Variants in PXDN observed in about 807,000 individuals in gnomAD.
PXDN encodes the protein peroxidasin.
PXDN carries 77 observed loss-of-function variants against 140.3 expected under a neutral mutation model. That is an observed-to-expected ratio of 0.55 (90% CI 0.46 to 0.66). The LOEUF (loss-of-function observed/expected upper bound fraction) is 0.66, where lower values mean the gene tolerates loss of function less well. Ranked by LOEUF, PXDN falls within the 30% of genes least tolerant of loss-of-function variation. The pLI, the probability that PXDN is intolerant of heterozygous loss-of-function variation, is 0.00. For synonymous variants in PXDN, 911 were observed against 857.4 expected (o/e 1.06, Z -1.09); for missense variants, 1,838 against 2,039.5 (o/e 0.90, Z 1.90).
In PXDN at chr2:1,744,384, C is replaced by G. The variant is rs1390188468; in HGVS notation, c.72G>C (p.Thr24=). 1 of 1,526,094 alleles carries G rather than the reference C, an allele frequency of 6.6e-7. No individual in the cohort carries two copies. Among genetic ancestry groups the G allele is most frequent in the African/African-American group, 1.4e-5 (1 of 71,374 alleles). 94.5% of individuals were successfully genotyped at this position (1,526,094 alleles called of 1,614,324 possible). ...CCGGCTTCTGGGCCACCACGGCCAG[C>G]GTCCCCCAGGCGCAGAACAGCACGA... is the stretch of plus-strand genomic sequence containing the variant. ...LALVLFCAWG[T]LAVVAQKPGA... The change falls in exon 1 of 23, where the codon ACG becomes ACC. Residue 24 remains threonine (T), a synonymous_variant. Coordinates refer to ENST00000252804, the MANE Select transcript of PXDN (RefSeq NM_012293.3).
chr2:1,708,775 T>C (rs1305874672), intron 1 of PXDN, among the ~76,000 whole-genome samples: 8 of 152,216 alleles, frequency 5.3e-5, no homozygotes, highest in Non-Finnish European at 7.3e-5. Flanking sequence ...TTTTATGGTA[T>C]CGATTTGGAT....
chr2:1,668,826 T>C (rs922878365), intron 9 of PXDN, among the ~76,000 whole-genome samples: 5 of 152,086 alleles, frequency 3.3e-5, no homozygotes, highest in Admixed American at 2.6e-4. Flanking sequence ...TGCAGAGAAA[T>C]AGGAACATTT....
intron 1 of PXDN, among the ~76,000 whole-genome samples, chr2:1,736,873 G>A (rs1251046031): frequency 6.6e-6 from 1 of 152,144 alleles, no homozygotes; most frequent in Non-Finnish European, 1.5e-5. Flanking sequence ...ATCTCATGTG[G>A]ACAAAGGTCA....
At chr2:1,653,911 T>A in intron 15 of PXDN, 126 bp from the exon 16 acceptor site, 1 of 1,162,852 alleles carries the variant, frequency 8.6e-7, no homozygotes, top group Non-Finnish European at 1.2e-6. Context: ...CATAATGTAC[T>A]ATACCTTCCT....
chr2:1,687,647 G>A lies in PXDN; in HGVS notation c.401C>T (p.Ala134Val), dbSNP rs961490096. ...GGGCACTTACAGTTGCTCTAGAGAG[G>A]CAAGTCCCTTAAATGCTTGCCTGTC... ...SIDRQAFKGLASLEQLYLHFN... is the reference protein window; with the variant it reads ...SIDRQAFKGLVSLEQLYLHFN... Residue 134 changes from alanine (A) to valine (V), a missense_variant, in exon 4 of 23, where the codon GCC (alanine) becomes GTC (valine). Physicochemically the swap from Ala to Val is moderately conservative, Grantham distance 64. Around this residue, in one of 5 missense-constraint regions of PXDN, gnomAD observed 231 missense variants for 201.5 expected, o/e 1.15. Transcript: ENST00000252804. This position sits in a 1 kb window ranked among gnomAD's most constrained non-coding sequence, Gnocchi z 4.0. The A allele has an allele frequency of 1.1e-5, 17 of 1,520,006 alleles. No individual in the cohort carries two copies. Among genetic ancestry groups the A allele is most frequent in the Non-Finnish European group, 1.4e-5 (15 of 1,099,310 alleles). 94.2% of individuals were successfully genotyped at this position (1,520,006 alleles called of 1,614,324 possible).
chr2:1,733,049 A>G (rs1009077974), intron 1 of PXDN, among the ~76,000 whole-genome samples: 1 of 152,340 alleles, frequency 6.6e-6, no homozygotes. Context: ...TGAAACACAT[A>G]GAGAAAAAGG....
chr2:1,696,425 G>T (rs1263883528), intron 1 of PXDN, among the ~76,000 whole-genome samples: 1 of 152,072 alleles, frequency 6.6e-6, no homozygotes, highest in African/African-American at 2.4e-5. Context: ...TGCAAAGGGG[G>T]TTATCTTAGA....
chr2:1,739,454 T>C (rs1408382910), intron 1 of PXDN, among the ~76,000 whole-genome samples: 1 of 152,130 alleles, frequency 6.6e-6, no homozygotes, highest in Non-Finnish European at 1.5e-5. Flanking sequence ...TTTACAACTA[T>C]TTCCTTGACA....
intron 1 of PXDN, among the ~76,000 whole-genome samples, chr2:1,702,347 G>T (rs891079791): frequency 2.6e-5 from 4 of 152,206 alleles, no homozygotes; most frequent in African/African-American, 7.2e-5. Context: ...CTTCCTCCAG[G>T]ACGCAGGGAA....
At chr2:1,740,390 G>A (rs900289613) in intron 1 of PXDN, among the ~76,000 whole-genome samples, 2 of 152,122 alleles carry the variant, frequency 1.3e-5, no homozygotes, top group African/African-American at 4.8e-5. Flanking sequence ...TCACTCAGGC[G>A]ACGCAGTCTC....
chr2:1,635,355 C>T (rs1424954366), intron 22 of PXDN, 53 bp downstream of exon 22: 8 of 1,476,006 alleles, frequency 5.4e-6, no homozygotes, highest in Middle Eastern at 2.3e-4. Context: ...TCACATGGGA[C>T]TCTCGGACTT....
chr2:1,643,488 C>A lies in PXDN; in HGVS notation c.3832G>T (p.Ala1278Ser). ...CTCTGCACCCGGGTGATGTTGTCCG[C>A]GTTGTCGCATAGGATCCTGGCCAGC... is the stretch of plus-strand genomic sequence containing the variant. ...TSLARILCDN[A>S]DNITRVQSDV... is the part of the protein sequence containing the mutation. The change falls in exon 19 of 23, where the codon GCG (alanine) becomes TCG (serine). Residue 1278 changes from alanine (A) to serine (S), a missense_variant. Coordinates refer to ENST00000252804, the MANE Select transcript of PXDN (RefSeq NM_012293.3). The A allele has an allele frequency of 6.2e-7, 1 of 1,613,970 alleles. No homozygotes were observed. Among genetic ancestry groups the A allele is most frequent in the Non-Finnish European group, 8.5e-7 (1 of 1,179,898 alleles).
intron 1 of PXDN, among the ~76,000 whole-genome samples, chr2:1,736,418 G>A (rs745775745): frequency 6.6e-6 from 1 of 152,114 alleles, no homozygotes; most frequent in Admixed American, 6.5e-5. Flanking sequence ...ATGGAGGGAC[G>A]GCCAGTCAGT....
chr2:1,729,485 A>T (rs967780255), intron 1 of PXDN, among the ~76,000 whole-genome samples: 2 of 151,530 alleles, frequency 1.3e-5, no homozygotes, highest in African/African-American at 4.9e-5. Flanking sequence ...GGAAGAAAAC[A>T]CAACAGGGAA....
chr2:1,720,642 C>CATCTCTTTCTCTCTCTCTGA (rs1685020731), intron 1 of PXDN, among the ~76,000 whole-genome samples: 1 of 151,900 alleles, frequency 6.6e-6, no homozygotes, highest in African/African-American at 2.4e-5. Context: ...TCTCTCTCTG[C>CATCTCTTTCTCTCTCTCTGA]ATCTCTTTCT....
At position 1,687,812 on chromosome 2, in the gene PXDN, G is replaced by A; in HGVS notation, c.345-109C>T. The A allele has an allele frequency of 1.3e-6, 1 of 782,998 alleles. No individual in the cohort carries two copies. The highest frequency in any genetic ancestry group is 2.0e-5 in the South Asian group (1 of 49,628). The allele number at this position is 782,998 out of a possible 1,614,324, so 48.5% of individuals were successfully genotyped here. A position where few individuals can be genotyped will look rare whatever the true frequency, so the allele number is the denominator to read the frequency against. On this transcript the variant is annotated intron_variant, in intron 3 of 22. Coordinates refer to ENST00000252804, the MANE Select transcript of PXDN (RefSeq NM_012293.3). This position sits in a 1 kb window ranked among gnomAD's most constrained non-coding sequence, Gnocchi z 4.0. ...GGAGACAGTTTTACAATTAATGACT[G>A]TATTAGAATGCAAACAAACCATCTG...
At position 1,639,267 on chromosome 2, in the gene PXDN, C is replaced by T; in HGVS notation, c.4073+35G>A. On this transcript the variant is annotated intron_variant, in intron 20 of 22. Coordinates refer to ENST00000252804, the MANE Select transcript of PXDN (RefSeq NM_012293.3). The surrounding 1 kb of genome is among the most constrained non-coding windows in gnomAD (Gnocchi z 5.0). Reference sequence around the variant, plus strand: ...CCCGACGCCCGCGGTGCGAGGGCCCCTCTGCACATCATTTGACCTCAGAGA... The same window carrying T: ...CCCGACGCCCGCGGTGCGAGGGCCCTTCTGCACATCATTTGACCTCAGAGA... 1.9e-6 allele frequency: 3 copies of T among 1,597,522 alleles called. No individual in the cohort carries two copies. The highest frequency in any genetic ancestry group is 2.6e-6 in the Non-Finnish European group (3 of 1,171,780).
rs145728106 is a variant in PXDN at position 1,707,427 on chromosome 2, T to C, written c.201-14293A>G. ...CCACTAATAATACAAACTGAGAGCA[T>C]GCTGCATTGCTCATCAATCCCAGAT... On this transcript the variant is annotated intron_variant, in intron 1 of 22. Coordinates refer to ENST00000252804, the MANE Select transcript of PXDN (RefSeq NM_012293.3). 1.3e-3 allele frequency among the ~76,000 whole-genome samples: 200 copies of C among 151,718 alleles called. 2 individuals are homozygous for C. The highest frequency in any genetic ancestry group is 4.6e-3 in the African/African-American group (190 of 41,300).
At chr2:1,679,563 G>A (rs1377219956) in intron 7 of PXDN, among the ~76,000 whole-genome samples, 3 of 147,310 alleles carry the variant, frequency 2.0e-5, no homozygotes, top group Non-Finnish European at 4.5e-5. Context: ...TGGTGTGTGT[G>A]TAAATGGTGT....
Sources: gnomAD v4.1 joint callset for allele counts (sites outside exome capture counted in the v4.1 genomes callset) on GRCh38, gnomAD v4.1.1 for gene constraint, gnomAD v4.1.1 regional missense constraint, Gnocchi (gnomAD v3.1) non-coding constraint, MANE v1.5 for transcripts, NCBI Gene and HGNC (gene_info 2026-07-23, HGNC 2026-07-21) for gene names.